BCL2L13: variants seen among roughly 807,000 people sequenced by gnomAD.
The protein encoded by BCL2L13 is BCL2 like 13.
BCL2L13 carries 13 observed loss-of-function variants against 25.8 expected under a neutral mutation model. That is an observed-to-expected ratio of 0.50 (90% CI 0.33 to 0.80). The LOEUF is 0.80. Ranked by LOEUF, BCL2L13 falls within the 30% of genes least tolerant of loss-of-function variation. The probability of loss-of-function intolerance (pLI) is 0.02; values close to 1 mark genes in which losing one functional copy is unlikely to be tolerated. For synonymous variants in BCL2L13, 244 were observed against 230.3 expected, an observed-to-expected ratio of 1.06 and a Z score of -0.54; for missense variants, 504 against 574.9, an observed-to-expected ratio of 0.88 and a Z score of 1.26.
chr22:17,703,806 TTAAG>T (rs1457734888), intron 6 of BCL2L13: 1 of 152,224 alleles, frequency 6.6e-6, no homozygotes, highest in Non-Finnish European at 1.5e-5. Flanking sequence ...GTCTTCCTAC[TTAAG>T]TACTTTTTAA....
At chr22:17,717,326 A>T (rs2060972352) in intron 6 of BCL2L13, among the ~76,000 whole-genome samples, 2 of 146,080 alleles carry the variant, frequency 1.4e-5, no homozygotes, top group South Asian at 4.2e-4. Flanking sequence ...AAATTAGAAG[A>T]GTTAGCCAGG....
chr22:17,720,045 G>C (rs996436357), intron 6 of BCL2L13, among the ~76,000 whole-genome samples: 1 of 152,010 alleles, frequency 6.6e-6, no homozygotes, highest in African/African-American at 2.4e-5. Context: ...ACTACCAAAG[G>C]GTGTCTTTTT....
chr22:17,677,600 G>A (rs1368585945), intron 2 of BCL2L13, among the ~76,000 whole-genome samples: 4 of 152,016 alleles, frequency 2.6e-5, no homozygotes, highest in African/African-American at 9.7e-5. Context: ...ACAGCTGGGC[G>A]CGGTGGCTCA....
chr22:17,668,701 G>A (rs184126833), intron 2 of BCL2L13, among the ~76,000 whole-genome samples: 17 of 151,826 alleles, frequency 1.1e-4, no homozygotes, highest in South Asian at 6.2e-4. Context: ...TCCTGACCTC[G>A]TGATCCACCT....
chr22:17,688,197 T>A (rs1337079527), intron 3 of BCL2L13, among the ~76,000 whole-genome samples: 1 of 152,130 alleles, frequency 6.6e-6, no homozygotes, highest in Non-Finnish European at 1.5e-5. Context: ...ACTCAAACCA[T>A]CTGCACACCT....
rs140346369 is a variant in BCL2L13 at position 17,664,861 on chromosome 22, C to G, written c.121+9029C>G. On this transcript the variant is annotated intron_variant, in intron 2 of 6. Transcript: ENST00000317582. ...GTGGCTGGGATGCAGGGCACCAAGT[C>G]CAGAGGCTGCACACAGCAGGAGGGG... Among the ~76,000 whole-genome samples, 4 of 152,322 alleles carry G rather than the reference C, an allele frequency of 2.6e-5. No individual in the cohort carries two copies. In the East Asian group the frequency reaches 7.7e-4, roughly 29 times the overall value.
intron 6 of BCL2L13, among the ~76,000 whole-genome samples, chr22:17,725,395 G>A (rs1366285992): frequency 2.0e-5 from 3 of 151,932 alleles, no homozygotes; most frequent in African/African-American, 7.3e-5. Context: ...TGCCTGCATT[G>A]TGTCTTCTGT....
At chr22:17,646,902 G>A (rs1479173004) in intron 1 of BCL2L13, among the ~76,000 whole-genome samples, 1 of 117,168 alleles carries the variant, frequency 8.5e-6, no homozygotes, top group Non-Finnish European at 1.7e-5. Context: ...GTGTGTGTGT[G>A]TGTGTGTGTG....
At chr22:17,693,801 G>A (rs2145656204) in intron 4 of BCL2L13, among the ~76,000 whole-genome samples, 1 of 151,906 alleles carries the variant, frequency 6.6e-6, no homozygotes, top group African/African-American at 2.4e-5. Flanking sequence ...CAGTGGCGCA[G>A]TCTCGGCTCA....
intron 6 of BCL2L13, among the ~76,000 whole-genome samples, chr22:17,707,890 CA>C (rs915983784): frequency 6.7e-6 from 1 of 148,636 alleles, no homozygotes. Flanking sequence ...CTGCCCCCAC[CA>C]AAAAAAAAGT....
intron 2 of BCL2L13, among the ~76,000 whole-genome samples, chr22:17,671,122 C>T (rs1179072037): frequency 2.2e-5 from 3 of 138,148 alleles, no homozygotes; most frequent in Non-Finnish European, 4.8e-5. Context: ...TGGCCGGGCA[C>T]GGTGGTTCAC....
At position 17,643,216 on chromosome 22, in the gene BCL2L13, G is replaced by A. The variant is rs139958603; in HGVS notation, c.-51+4330G>A. Among the ~76,000 whole-genome samples, 1,302 of 152,244 alleles carry A rather than the reference G, an allele frequency of 8.6e-3. 9 individuals carry two copies. The highest frequency in any genetic ancestry group is 0.011 in the Non-Finnish European group (724 of 68,018). ...ACACTAGAGTTTTAGTGTCTGCTGA[G>A]TTTTAAAAATGATACTTGTCCAGTT... On this transcript the variant is annotated intron_variant, in intron 1 of 6. Coordinates refer to ENST00000317582, the MANE Select transcript of BCL2L13 (RefSeq NM_015367.4).
At chr22:17,686,268 G>A (rs1456362631) in intron 3 of BCL2L13, among the ~76,000 whole-genome samples, 1 of 151,690 alleles carries the variant, frequency 6.6e-6, no homozygotes, top group African/African-American at 2.4e-5. Context: ...AGCCAACATG[G>A]TGAAACCCTG....
intron 6 of BCL2L13, among the ~76,000 whole-genome samples, chr22:17,707,026 T>C (rs564138628): frequency 4.6e-5 from 7 of 152,218 alleles, no homozygotes; most frequent in Non-Finnish European, 8.8e-5. Context: ...GTTTGTTTAA[T>C]CTAGGATATT....
intron 1 of BCL2L13, among the ~76,000 whole-genome samples, chr22:17,644,753 A>G (rs377581396): frequency 2.6e-5 from 4 of 151,178 alleles, no homozygotes; most frequent in Admixed American, 2.0e-4. Flanking sequence ...TAGAGAATAC[A>G]GTATAAGTGT....
chr22:17,647,939 T>C (rs1308824791), intron 1 of BCL2L13, among the ~76,000 whole-genome samples: 3 of 152,010 alleles, frequency 2.0e-5, no homozygotes, highest in Admixed American at 6.6e-5. Flanking sequence ...CCATCCTGGC[T>C]AACACGGTGA....
intron 6 of BCL2L13, among the ~76,000 whole-genome samples, chr22:17,719,044 C>G (rs1361205901): frequency 6.7e-6 from 1 of 149,010 alleles, no homozygotes; most frequent in African/African-American, 2.5e-5. Flanking sequence ...ATCCCAGCTA[C>G]TTGGGAGGCT....
intron 2 of BCL2L13, among the ~76,000 whole-genome samples, chr22:17,669,107 A>T (rs2059336638): frequency 7.4e-6 from 1 of 134,648 alleles, no homozygotes; most frequent in South Asian, 2.2e-4. Context: ...ATCTCAGCTC[A>T]CTGCAAGCTC....
chr22:17,693,832 G>A (rs959485036), intron 4 of BCL2L13, among the ~76,000 whole-genome samples: 46 of 152,024 alleles, frequency 3.0e-4, no homozygotes, highest in African/African-American at 1.0e-3. Flanking sequence ...CCACCTCCTG[G>A]GTTCAAGCCA....
Sources: allele counts gnomAD v4.1 joint callset (sites outside exome capture counted in the v4.1 genomes callset), GRCh38; gene constraint gnomAD v4.1.1; transcripts MANE v1.5; gene names NCBI Gene and HGNC (gene_info 2026-07-23, HGNC 2026-07-21).